The following RAPGEF5 variants were observed in gnomAD, a reference collection of about 807,000 sequenced individuals.
RAPGEF5 encodes M-Ras-regulated GEF.
Under a neutral mutation model 125.2 loss-of-function variants are expected in RAPGEF5, and 65 were observed. That is an observed-to-expected ratio of 0.52 (90% confidence interval 0.43 to 0.64). RAPGEF5 has a LOEUF of 0.64. RAPGEF5 is among the 30% of genes least tolerant of loss of function. The probability of loss-of-function intolerance (pLI) is 0.00; values close to 1 mark genes in which losing one functional copy is unlikely to be tolerated. For synonymous variants in RAPGEF5, 391 were observed against 385.9 expected (o/e 1.01, Z -0.16); for missense variants, 958 against 1,048.1 (o/e 0.91, Z 1.19).
intron 9 of RAPGEF5, among the ~76,000 whole-genome samples, chr7:22,201,906 G>A (rs1023189431): frequency 1.3e-5 from 2 of 152,224 alleles, no homozygotes; most frequent in Non-Finnish European, 2.9e-5. Context: ...ACAGCTGCAT[G>A]AGAACAGTGG....
rs1288181462 is a variant in RAPGEF5 at position 22,315,493 on chromosome 7, G to C, written c.283-17C>G. 3.5e-6 allele frequency: 5 copies of C among 1,445,426 alleles called. No individual in the cohort carries two copies. Among genetic ancestry groups the C allele is most frequent in the Non-Finnish European group, 4.5e-6 (5 of 1,100,064 alleles). 89.5% of individuals were successfully genotyped at this position (1,445,426 alleles called of 1,614,324 possible). A position where few individuals can be genotyped will look rare whatever the true frequency, so the allele number is the denominator to read the frequency against. ...TCCATAAATCTAAATGGAAAAGACA[G>C]TCACTGTAAATATAGAACAATAATG... On this transcript the variant is annotated splice_polypyrimidine_tract_variant and intron_variant, in intron 2 of 25. Coordinates refer to ENST00000665637, the MANE Select transcript of RAPGEF5 (RefSeq NM_012294.5).
chr7:22,194,248 G>A (rs754858128), intron 9 of RAPGEF5, among the ~76,000 whole-genome samples: 5 of 152,088 alleles, frequency 3.3e-5, no homozygotes, highest in Non-Finnish European at 5.9e-5. Context: ...TAAAACATTA[G>A]ACAGACATAA....
intron 6 of RAPGEF5, among the ~76,000 whole-genome samples, chr7:22,273,621 T>A (rs1011381218): frequency 3.3e-5 from 5 of 152,228 alleles, no homozygotes; most frequent in African/African-American, 1.2e-4. Flanking sequence ...AAGACTAATA[T>A]ATGTAGAAGT....
intron 1 of RAPGEF5, among the ~76,000 whole-genome samples, chr7:22,351,157 T>G (rs1784322433): frequency 6.6e-6 from 1 of 152,210 alleles, no homozygotes; most frequent in African/African-American, 2.4e-5. Flanking sequence ...GTTTGTTTGT[T>G]TGTTTTTTGT....
intron 9 of RAPGEF5, among the ~76,000 whole-genome samples, chr7:22,201,802 C>G (rs1332193889): frequency 6.6e-6 from 1 of 152,106 alleles, no homozygotes; most frequent in Non-Finnish European, 1.5e-5. Flanking sequence ...GCTTCTAGTT[C>G]CAATATAAAA....
intron 1 of RAPGEF5, among the ~76,000 whole-genome samples, chr7:22,330,146 A>C (rs947389883): frequency 1.3e-5 from 2 of 152,258 alleles, no homozygotes; most frequent in African/African-American, 4.8e-5. Flanking sequence ...ATAAAGGATT[A>C]AGAACAAGTC....
At chr7:22,190,623 T>A (rs1045150865) in intron 11 of RAPGEF5, among the ~76,000 whole-genome samples, 1 of 152,220 alleles carries the variant, frequency 6.6e-6, no homozygotes, top group African/African-American at 2.4e-5. Context: ...GTAAACGTTA[T>A]CTATTTGTAT....
chr7:22,191,875 TC>T (rs771413936), intron 11 of RAPGEF5, among the ~76,000 whole-genome samples: 3 of 152,198 alleles, frequency 2.0e-5, no homozygotes, highest in Non-Finnish European at 2.9e-5. Flanking sequence ...TATAATAATT[TC>T]CCTGCTTACT....
Position 22,357,127 on chromosome 7 carries a change from C to A in RAPGEF5, c.-67G>T. 1 of 892,440 alleles carries A rather than the reference C, an allele frequency of 1.1e-6. No individual in the cohort carries two copies. The highest frequency in any genetic ancestry group is 1.4e-6 in the Non-Finnish European group (1 of 739,772). 55.3% of individuals were successfully genotyped at this position (892,440 alleles called of 1,614,324 possible). A position where few individuals can be genotyped will look rare whatever the true frequency, so the allele number is the denominator to read the frequency against. ...GCTCGCCTCCGCGCGCCGTCCGCGCCTTCGCCAGGAAGCGAGAGGGCGCGA... is the reference window on the plus strand; with the variant it reads ...GCTCGCCTCCGCGCGCCGTCCGCGCATTCGCCAGGAAGCGAGAGGGCGCGA... On this transcript the variant is annotated 5_prime_UTR_variant, in exon 1 of 26. The change creates a new upstream start codon in the 5' untranslated region. Coordinates refer to ENST00000665637, the MANE Select transcript of RAPGEF5 (RefSeq NM_012294.5).
rs1484532902 is a variant in RAPGEF5, at chr7:22,219,990, G to C, written c.872C>G (p.Ala291Gly). The C allele has an allele frequency of 6.2e-7, 1 of 1,613,134 alleles. No individual in the cohort carries two copies. Among genetic ancestry groups the C allele is most frequent in the Non-Finnish European group, 8.5e-7 (1 of 1,179,524 alleles). The change falls in exon 9 of 26, where the codon GCA becomes GGA. Residue 291 changes from alanine (A) to glycine (G), a missense_variant and splice_region_variant. Physicochemically the swap from Ala to Gly is moderately conservative, Grantham distance 60 (BLOSUM62 0). Transcript: ENST00000665637. ...TTCCTGGAGCTTGCACATCACCCCT[G>C]CCTTAAGAGTTGGAGAAAAAGCGAA... ...TEAESVPDSQ[A>G]GVMCKLQERD...
At chr7:22,326,403 C>T (rs1465848730) in intron 1 of RAPGEF5, among the ~76,000 whole-genome samples, 2 of 152,192 alleles carry the variant, frequency 1.3e-5, no homozygotes, top group Non-Finnish European at 2.9e-5. Context: ...TACATATCAA[C>T]TCTGGCTGCT....
At chr7:22,267,793 C>G (rs1235230762) in intron 6 of RAPGEF5, among the ~76,000 whole-genome samples, 1 of 151,856 alleles carries the variant, frequency 6.6e-6, no homozygotes, top group Admixed American at 6.6e-5. Context: ...TGAGGAAGCT[C>G]TCTCCCCTTC....
At chr7:22,261,883 T>C (rs986840178) in intron 7 of RAPGEF5, among the ~76,000 whole-genome samples, 2 of 151,350 alleles carry the variant, frequency 1.3e-5, no homozygotes, top group African/African-American at 4.8e-5. Flanking sequence ...GACCTAAGTC[T>C]CATACCTTAT....
chr7:22,167,252 A>C, intron 11 of RAPGEF5, 104 bp from the exon 12 acceptor site: 4 of 793,128 alleles, frequency 5.0e-6, no homozygotes, highest in South Asian at 5.0e-5. Context: ...AAATATGATA[A>C]ATATTGATAG....
chr7:22,244,484 T>C (rs571246702), intron 7 of RAPGEF5, among the ~76,000 whole-genome samples: 1 of 152,084 alleles, frequency 6.6e-6, no homozygotes, highest in South Asian at 2.1e-4. Context: ...ACTGCACATG[T>C]GATCTAGGTT....
At chr7:22,330,267 T>C (rs938576783) in intron 1 of RAPGEF5, among the ~76,000 whole-genome samples, 1 of 152,190 alleles carries the variant, frequency 6.6e-6, no homozygotes, top group African/African-American at 2.4e-5. Flanking sequence ...AGGACAAGGC[T>C]GGGGTCTGCT....
intron 8 of RAPGEF5, among the ~76,000 whole-genome samples, chr7:22,228,020 G>C (rs1433027320): frequency 6.6e-6 from 1 of 152,186 alleles, no homozygotes; most frequent in Non-Finnish European, 1.5e-5. Flanking sequence ...AGAGAGTAAT[G>C]CTGCAACTTG....
intron 6 of RAPGEF5, among the ~76,000 whole-genome samples, chr7:22,286,801 C>T (rs1428061575): frequency 2.0e-5 from 3 of 152,186 alleles, no homozygotes; most frequent in Non-Finnish European, 4.4e-5. Context: ...TTTGTCTGAT[C>T]AATTCTGAAT....
At chr7:22,338,481 C>G (rs151175228) in intron 1 of RAPGEF5, among the ~76,000 whole-genome samples, 8 of 152,330 alleles carry the variant, frequency 5.3e-5, no homozygotes, top group Non-Finnish European at 1.0e-4. Flanking sequence ...ATACAATCAA[C>G]ATGTTTACCT....
Sources: gnomAD v4.1 joint callset for allele counts (sites outside exome capture counted in the v4.1 genomes callset) on GRCh38, gnomAD v4.1.1 for gene constraint, MANE v1.5 for transcripts, NCBI Gene and HGNC (gene_info 2026-07-23, HGNC 2026-07-21) for gene names.